RARB: variants seen among roughly 807,000 people sequenced by gnomAD.
RARB encodes the protein HBV-activated protein.
RARB carries 17 observed loss-of-function variants against 51.9 expected under a neutral mutation model. The ratio of observed to expected loss-of-function variants is 0.33; its 90% CI spans 0.22 to 0.49. The LOEUF is 0.49. RARB is among the 20% of genes least tolerant of loss of function. The pLI is 0.99. For missense variants in RARB, 369 were observed against 550.8 expected (o/e 0.67, Z 3.30); for synonymous variants, 215 against 195.4 (o/e 1.10, Z -0.84).
At chr3:24,874,069 C>T (rs755048377) in intron 2 of RARB, among the ~76,000 whole-genome samples, 10 of 151,874 alleles carry the variant, frequency 6.6e-5, no homozygotes, top group Non-Finnish European at 1.0e-4. Context: ...TTGAAATATA[C>T]GAGAGGATGT....
At chr3:24,917,928 T>G (rs1051333311) in intron 2 of RARB, among the ~76,000 whole-genome samples, 1 of 152,238 alleles carries the variant, frequency 6.6e-6, no homozygotes, top group African/African-American at 2.4e-5. Context: ...GTAGGTAATC[T>G]GGAACCCTCA....
intron 5 of RARB, among the ~76,000 whole-genome samples, chr3:25,330,226 G>A (rs1704851293): frequency 6.6e-6 from 1 of 152,002 alleles, no homozygotes; most frequent in Admixed American, 6.6e-5. Context: ...GATTCACAAA[G>A]TTGAAATGAA....
chr3:25,175,905 T>C (rs1700735091), intron 5 of RARB, among the ~76,000 whole-genome samples: 5 of 152,210 alleles, frequency 3.3e-5, no homozygotes, highest in Admixed American at 3.3e-4. Flanking sequence ...ATGGACATAG[T>C]ACCAGTACTC....
chr3:24,870,966 A>C (rs1309707079), intron 2 of RARB, among the ~76,000 whole-genome samples: 1 of 152,012 alleles, frequency 6.6e-6, no homozygotes, highest in Non-Finnish European at 1.5e-5. Context: ...TGTGCTTTTA[A>C]ATACTAGATC....
intron 3 of RARB, among the ~76,000 whole-genome samples, chr3:25,070,813 A>T (rs1698752231): frequency 6.6e-6 from 1 of 152,198 alleles, no homozygotes; most frequent in South Asian, 2.1e-4. Flanking sequence ...GAAGAATATG[A>T]TTAAATGAAC....
intron 2 of RARB, among the ~76,000 whole-genome samples, chr3:24,964,103 T>G (rs1696202731): frequency 6.6e-6 from 1 of 152,072 alleles, no homozygotes; most frequent in Non-Finnish European, 1.5e-5. Context: ...CAAGTTGAGT[T>G]TTTACTGAAC....
In RARB at chr3:25,122,972, G is replaced by A. The variant is rs148161247; in HGVS notation, c.-327-9189G>A. ...AAAGGCAAGTTATCTACCCCACTTC[G>A]CCACAGCACATGTACACAGTGGTGA... On this transcript the variant is annotated intron_variant, in intron 3 of 11. Coordinates refer to the RARB transcript ENST00000383772. Among the ~76,000 whole-genome samples the A allele has an allele frequency of 5.3e-5, 8 of 152,192 alleles. No homozygotes were observed. In the East Asian group the frequency reaches 7.7e-4, roughly 15 times the overall value.
chr3:25,430,919 A>G (rs1279903792), intron 1 of RARB, among the ~76,000 whole-genome samples: 1 of 150,776 alleles, frequency 6.6e-6, no homozygotes, highest in Non-Finnish European at 1.5e-5. Flanking sequence ...CTTTACCCTC[A>G]TAAACCACTT....
intron 5 of RARB, among the ~76,000 whole-genome samples, chr3:25,273,082 C>A (rs1703291418): frequency 6.6e-6 from 1 of 152,062 alleles, no homozygotes; most frequent in South Asian, 2.1e-4. Context: ...TAGCCCTGAG[C>A]CTACACAAAT....
chr3:24,842,026 CAAAGATCT>C (rs1314739646), intron 1 of RARB, among the ~76,000 whole-genome samples: 2 of 151,974 alleles, frequency 1.3e-5, no homozygotes, highest in African/African-American at 4.8e-5. Context: ...TTACATGCTC[CAAAGATCT>C]AATGATGCAT....
chr3:25,357,795 C>G (rs1705791695), intron 5 of RARB, among the ~76,000 whole-genome samples: 1 of 151,176 alleles, frequency 6.6e-6, no homozygotes. Context: ...TTGTTTTTGT[C>G]CGGTCAAAGA....
intron 5 of RARB, among the ~76,000 whole-genome samples, chr3:25,393,362 T>G (rs1017539316): frequency 1.3e-5 from 2 of 152,084 alleles, no homozygotes; most frequent in Non-Finnish European, 2.9e-5. Flanking sequence ...TTTTTTGTTA[T>G]GTCCTTTACT....
chr3:25,273,915 G>A (rs540936017), intron 5 of RARB, among the ~76,000 whole-genome samples: 5 of 152,184 alleles, frequency 3.3e-5, no homozygotes, highest in South Asian at 4.2e-4. Flanking sequence ...TTCAGACCTC[G>A]TAGCCCATTC....
At chr3:24,932,882 C>T (rs1448151692) in intron 2 of RARB, among the ~76,000 whole-genome samples, 1 of 151,950 alleles carries the variant, frequency 6.6e-6, no homozygotes, top group African/African-American at 2.4e-5. Context: ...TTTTCCTGCT[C>T]AGAAAGTAAT....
chr3:25,400,766 C>T (rs115888396), intron 5 of RARB, among the ~76,000 whole-genome samples: 1,830 of 152,146 alleles, frequency 0.012, 39 homozygotes, highest in African/African-American at 0.041. Context: ...ATTTTGCCTT[C>T]GCAAAAACCA....
chr3:24,902,172 A>T lies in RARB; in HGVS notation c.-380+43420A>T, dbSNP rs138656832. On this transcript the variant is annotated intron_variant, in intron 2 of 11. Coordinates refer to the RARB transcript ENST00000383772. ...GGTTAAGTGGCTTGTCCACATTCCT[A>T]CGTCTGAGAAGCAGCAGATCTAGAA... 5.5e-3 allele frequency among the ~76,000 whole-genome samples: 837 copies of T among 152,298 alleles called. 8 individuals carry two copies. The highest frequency in any genetic ancestry group is 0.019 in the African/African-American group (793 of 41,552).
At chr3:25,131,118 C>T (rs1020987878) in intron 3 of RARB, among the ~76,000 whole-genome samples, 4 of 151,844 alleles carry the variant, frequency 2.6e-5, no homozygotes, top group African/African-American at 4.8e-5. Context: ...GAAAATCAAG[C>T]TTCAAGGGAA....
intron 5 of RARB, among the ~76,000 whole-genome samples, chr3:25,410,767 A>T (rs1045224931): frequency 6.6e-6 from 1 of 152,202 alleles, no homozygotes. Context: ...GAAATGGGCC[A>T]CAGTCAGAGT....
chr3:25,081,921 C>T (rs1699013918), intron 3 of RARB, among the ~76,000 whole-genome samples: 1 of 151,874 alleles, frequency 6.6e-6, no homozygotes, highest in African/African-American at 2.4e-5. Flanking sequence ...GCGTGAGCCA[C>T]TGTGCCCGGC....
Sources: gnomAD v4.1 joint callset for allele counts (sites outside exome capture counted in the v4.1 genomes callset) on GRCh38, gnomAD v4.1.1 for gene constraint, MANE v1.5 for transcripts, NCBI Gene and HGNC (gene_info 2026-07-23, HGNC 2026-07-21) for gene names.